The following RCAN1 variants were observed in gnomAD, a reference collection of about 807,000 sequenced individuals.
RCAN1 encodes calcipressin-1.
A neutral mutation model predicts 22.9 loss-of-function variants in RCAN1; 11 were observed. The observed-to-expected ratio is 0.48, with a 90% confidence interval of 0.30 to 0.79. The LOEUF is 0.79. RCAN1 is among the 30% of genes least tolerant of loss of function. The pLI is 0.06. For missense variants in RCAN1, 291 were observed against 337.8 expected (o/e 0.86, Z 1.09); for synonymous variants, 136 against 142.3 (o/e 0.96, Z 0.32).
intron 1 of RCAN1, among the ~76,000 whole-genome samples, chr21:34,590,036 T>C (rs556298330): frequency 2.5e-4 from 38 of 152,392 alleles, no homozygotes; most frequent in Non-Finnish European, 4.3e-4. Flanking sequence ...CATTTCCCTT[T>C]GATCATTACC....
intron 1 of RCAN1, among the ~76,000 whole-genome samples, chr21:34,586,398 A>C (rs11304300): frequency 6.8e-6 from 1 of 146,720 alleles, no homozygotes; most frequent in African/African-American, 2.5e-5. Context: ...TAAAAAAAAA[A>C]CCCCAAATGT....
chr21:34,530,840 G>C (rs1985356693), intron 1 of RCAN1, among the ~76,000 whole-genome samples: 1 of 151,974 alleles, frequency 6.6e-6, no homozygotes, highest in African/African-American at 2.4e-5. Context: ...GGTCAGGCTG[G>C]TCTCAAACTC....
intron 1 of RCAN1, among the ~76,000 whole-genome samples, chr21:34,597,997 C>A (rs1315947440): frequency 6.6e-6 from 1 of 152,012 alleles, no homozygotes; most frequent in African/African-American, 2.4e-5. Flanking sequence ...TAGATAGGGT[C>A]TATATAAAGA....
intron 1 of RCAN1, among the ~76,000 whole-genome samples, chr21:34,580,267 G>A (rs1987558086): frequency 6.6e-6 from 1 of 152,224 alleles, no homozygotes. Flanking sequence ...CTGGTCAGCA[G>A]TTGCAACTTT....
At chr21:34,612,760 C>T (rs1027460537) in intron 1 of RCAN1, among the ~76,000 whole-genome samples, 11 of 152,234 alleles carry the variant, frequency 7.2e-5, no homozygotes, top group Non-Finnish European at 1.5e-4. Context: ...TTTCCAGCCA[C>T]GTGACTTCCT....
At chr21:34,587,922 C>T (rs1430616050) in intron 1 of RCAN1, among the ~76,000 whole-genome samples, 1 of 152,110 alleles carries the variant, frequency 6.6e-6, no homozygotes, top group Non-Finnish European at 1.5e-5. Context: ...AGTTAAAGGC[C>T]TTAACGGAAC....
chr21:34,604,395 G>A (rs1988459911), intron 1 of RCAN1, among the ~76,000 whole-genome samples: 1 of 152,142 alleles, frequency 6.6e-6, no homozygotes, highest in Admixed American at 6.5e-5. Context: ...GCCTCCCAAA[G>A]TGCTGAAATT....
At chr21:34,557,742 T>C (rs1986633748) in intron 1 of RCAN1, among the ~76,000 whole-genome samples, 1 of 152,154 alleles carries the variant, frequency 6.6e-6, no homozygotes, top group Non-Finnish European at 1.5e-5. Flanking sequence ...ATGATGCTGA[T>C]AGATTTAACA....
chr21:34,613,921 C>CAAAGACCGG, intron 1 of RCAN1: 2 of 1,246,234 alleles, frequency 1.6e-6, no homozygotes, highest in Non-Finnish European at 2.1e-6. Context: ...AATGGGGCAT[C>CAAAGACCGG]TCTCAAAGAC....
intron 1 of RCAN1, among the ~76,000 whole-genome samples, chr21:34,595,051 G>A (rs990097476): frequency 6.6e-6 from 1 of 152,244 alleles, no homozygotes; most frequent in Non-Finnish European, 1.5e-5. Flanking sequence ...GACAGTCATA[G>A]TATCTGCTTC....
rs1984120249 is a variant in RCAN1 at position 34,517,433 on chromosome 21, T to C, written c.*651A>G. On this transcript the variant is annotated 3_prime_UTR_variant, in exon 4 of 4. Transcript: ENST00000313806. ...GAAGAGTTCCGCAAGCAAGTGCTGT[T>C]GCAAAGAGTCGAGAATCCGAGAATC... 6.6e-6 allele frequency: 1 copy of C among 152,254 alleles called. No homozygotes were observed. The highest frequency in any genetic ancestry group is 1.5e-5 in the Non-Finnish European group (1 of 68,054). The allele number at this position is 152,254 out of a possible 1,614,324, so 9.4% of individuals were successfully genotyped here.
chr21:34,550,282 C>T (rs1338415330), intron 1 of RCAN1, among the ~76,000 whole-genome samples: 1 of 152,150 alleles, frequency 6.6e-6, no homozygotes, highest in African/African-American at 2.4e-5. Flanking sequence ...ATTTGAGAAA[C>T]AGTTTTGCAA....
chr21:34,587,330 A>C (rs1987834046), intron 1 of RCAN1, among the ~76,000 whole-genome samples: 1 of 152,288 alleles, frequency 6.6e-6, no homozygotes, highest in African/African-American at 2.4e-5. Flanking sequence ...CTACACCCAG[A>C]TATCTTTATC....
At chr21:34,605,821 G>A (rs1011295250) in intron 1 of RCAN1, among the ~76,000 whole-genome samples, 1 of 151,624 alleles carries the variant, frequency 6.6e-6, no homozygotes, top group East Asian at 1.9e-4. Flanking sequence ...TCAGGAGGCC[G>A]AGGCAGGACA....
chr21:34,548,718 T>G (rs1475134357), intron 1 of RCAN1, among the ~76,000 whole-genome samples: 2 of 152,218 alleles, frequency 1.3e-5, no homozygotes, highest in East Asian at 3.8e-4. Context: ...TTCATGATAA[T>G]TTAAAAAGCT....
At chr21:34,566,683 T>C (rs968088667) in intron 1 of RCAN1, among the ~76,000 whole-genome samples, 4 of 152,184 alleles carry the variant, frequency 2.6e-5, no homozygotes, top group Non-Finnish European at 4.4e-5. Context: ...GACTGTGTAA[T>C]GTATAAAGAA....
chr21:34,540,802 T>G (rs563130355), intron 1 of RCAN1, among the ~76,000 whole-genome samples: 2 of 152,094 alleles, frequency 1.3e-5, no homozygotes, highest in South Asian at 4.2e-4. Context: ...CTGACCAACA[T>G]GGTGAAACCC....
intron 1 of RCAN1, among the ~76,000 whole-genome samples, chr21:34,583,827 T>C (rs1484649828): frequency 6.6e-6 from 1 of 152,150 alleles, no homozygotes; most frequent in Non-Finnish European, 1.5e-5. Flanking sequence ...AGAGACCCCA[T>C]GACCATATCA....
intron 1 of RCAN1, chr21:34,523,972 G>A (rs552063650): frequency 3.5e-5 from 10 of 285,426 alleles, no homozygotes; most frequent in Admixed American, 2.4e-4. Context: ...TAGTAGAGAC[G>A]GGGCTTTGCC....
Sources: gnomAD v4.1 joint callset for allele counts (sites outside exome capture counted in the v4.1 genomes callset) on GRCh38, gnomAD v4.1.1 for gene constraint, MANE v1.5 for transcripts, NCBI Gene and HGNC (gene_info 2026-07-23, HGNC 2026-07-21) for gene names.